CYRIB: variants seen among roughly 807,000 people sequenced by gnomAD.
CYRIB encodes the protein CYFIP related Rac1 interactor B.
Under a neutral mutation model 44.2 loss-of-function variants are expected in CYRIB, and 8 were observed. That is an observed-to-expected ratio of 0.18 (90% CI 0.11 to 0.33). The LOEUF (loss-of-function observed/expected upper bound fraction) is 0.33. Ranked by LOEUF, CYRIB falls within the 10% of genes least tolerant of loss-of-function variation. CYRIB has a pLI of 1.00. For synonymous variants in CYRIB, 131 were observed against 127.2 expected, an observed-to-expected ratio of 1.03 and a Z score of -0.20; for missense variants, 185 against 382.8, an observed-to-expected ratio of 0.48 and a Z score of 4.31.
chr8:129,990,348 A>T (rs2096597635), intron 1 of CYRIB, among the ~76,000 whole-genome samples: 1 of 152,182 alleles, frequency 6.6e-6, no homozygotes, highest in Non-Finnish European at 1.5e-5. Context: ...ATATATCTAG[A>T]TAAAGTATGT....
intron 1 of CYRIB, among the ~76,000 whole-genome samples, chr8:129,935,754 C>A (rs1470593231): frequency 6.6e-6 from 1 of 152,122 alleles, no homozygotes; most frequent in Admixed American, 6.5e-5. Flanking sequence ...TACAATAGTA[C>A]CTTAATGTTG....
chr8:129,978,478 C>T (rs1016270483), intron 1 of CYRIB, among the ~76,000 whole-genome samples: 1 of 152,088 alleles, frequency 6.6e-6, no homozygotes, highest in South Asian at 2.1e-4. Flanking sequence ...TCAAGCCTCG[C>T]GCTGTGGGCA....
intron 2 of CYRIB, among the ~76,000 whole-genome samples, chr8:129,968,310 ATTAT>A (rs1414529328): frequency 1.3e-5 from 2 of 152,148 alleles, no homozygotes; most frequent in African/African-American, 4.8e-5. Context: ...AATTTTAATG[ATTAT>A]TTTTCCTTTC....
At chr8:129,871,787 A>G (rs550787691) in intron 3 of CYRIB, among the ~76,000 whole-genome samples, 50 of 152,282 alleles carry the variant, frequency 3.3e-4, no homozygotes, top group South Asian at 1.2e-3. Flanking sequence ...ATTATAATTA[A>G]AATTTTTAAT....
intron 1 of CYRIB, among the ~76,000 whole-genome samples, chr8:129,980,448 T>C (rs974821678): frequency 6.6e-6 from 1 of 152,204 alleles, no homozygotes; most frequent in Non-Finnish European, 1.5e-5. Context: ...TATTACTGTG[T>C]ATTTTAATAC....
intron 4 of CYRIB, chr8:129,864,899 C>G (rs2052545217): frequency 2.6e-6 from 1 of 379,924 alleles, no homozygotes; most frequent in Non-Finnish European, 5.1e-6. Flanking sequence ...TGACACCCAA[C>G]AGATCACCAT....
rs560323019 is a variant in CYRIB, at chr8:129,921,331, G to C, written c.-49-17981C>G. ...AGGTTTTCTTCTTCCCTAACTTCTT[G>C]ATAATAACTAATAGCTATTATTCAG... On this transcript the variant is annotated intron_variant, in intron 1 of 11. Transcript: ENST00000519824. Among the ~76,000 whole-genome samples, 10 of 152,168 alleles carry C rather than the reference G, an allele frequency of 6.6e-5. No individual in the cohort carries two copies. In the South Asian group the frequency reaches 1.9e-3, roughly 28 times the overall value.
upstream of CYRIB, among the ~76,000 whole-genome samples, chr8:129,941,432 C>G (rs774947907): frequency 6.6e-6 from 1 of 151,946 alleles, no homozygotes; most frequent in Non-Finnish European, 1.5e-5. Context: ...CACCACCATG[C>G]CTGGCTAATT....
At chr8:129,879,148 A>G (rs886931276) in intron 3 of CYRIB, among the ~76,000 whole-genome samples, 2 of 152,204 alleles carry the variant, frequency 1.3e-5, no homozygotes, top group African/African-American at 4.8e-5. Context: ...TAAATTACAA[A>G]ATAATCTCCA....
At chr8:129,869,037 A>G (rs188944871) in intron 4 of CYRIB, among the ~76,000 whole-genome samples, 1 of 148,512 alleles carries the variant, frequency 6.7e-6, no homozygotes, top group African/African-American at 2.5e-5. Flanking sequence ...ATTAAAAAAA[A>G]GCCTAAGAGT....
chr8:129,991,963 A>AGAGAGAGAC (rs1322159516), intron 1 of CYRIB, among the ~76,000 whole-genome samples: 19 of 147,186 alleles, frequency 1.3e-4, no homozygotes, highest in African/African-American at 2.5e-4. Flanking sequence ...AAAAAAAAAA[A>AGAGAGAGAC]AAAAAAAAAC....
chr8:129,980,478 A>C (rs2096180754), intron 1 of CYRIB, among the ~76,000 whole-genome samples: 1 of 152,176 alleles, frequency 6.6e-6, no homozygotes, highest in African/African-American at 2.4e-5. Context: ...TTTTTCAAGA[A>C]GTCCAGTTCA....
At chr8:129,858,935 C>T (rs1014128657) in intron 5 of CYRIB, among the ~76,000 whole-genome samples, 4 of 152,248 alleles carry the variant, frequency 2.6e-5, no homozygotes, top group African/African-American at 9.6e-5. Context: ...CCCACAGGGT[C>T]GGTGGGTTTC....
At chr8:129,991,971 A>AGAGAGAG (rs1554764444) in intron 1 of CYRIB, among the ~76,000 whole-genome samples, 1 of 134,604 alleles carries the variant, frequency 7.4e-6, no homozygotes, top group Non-Finnish European at 1.6e-5. Flanking sequence ...AAAAAAAAAA[A>AGAGAGAG]ACAATAGGAA....
chr8:129,882,392 C>T (rs980710064), intron 2 of CYRIB, among the ~76,000 whole-genome samples: 2 of 152,132 alleles, frequency 1.3e-5, no homozygotes, highest in African/African-American at 2.4e-5. Flanking sequence ...GTGTCTGGCA[C>T]ACAGAAAACA....
intron 2 of CYRIB, among the ~76,000 whole-genome samples, chr8:129,968,622 C>A (rs558158421): frequency 1.3e-5 from 2 of 152,148 alleles, no homozygotes; most frequent in African/African-American, 2.4e-5. Context: ...ACTTTGCGTT[C>A]GCAGTAGAGG....
intron 1 of CYRIB, among the ~76,000 whole-genome samples, chr8:130,003,860 G>A (rs755046791): frequency 1.4e-4 from 22 of 152,148 alleles, no homozygotes; most frequent in Non-Finnish European, 2.9e-4. Context: ...CAAGGACTAT[G>A]GGATCAAATC....
At chr8:129,909,954 G>A (rs901096748) in intron 1 of CYRIB, among the ~76,000 whole-genome samples, 15 of 152,220 alleles carry the variant, frequency 9.9e-5, no homozygotes, top group African/African-American at 3.4e-4. Context: ...TACCAGATCA[G>A]TTTCTGTCAG....
At chr8:129,863,252 C>T (rs1022423650) in intron 4 of CYRIB, among the ~76,000 whole-genome samples, 4 of 152,140 alleles carry the variant, frequency 2.6e-5, no homozygotes, top group African/African-American at 4.8e-5. Context: ...GTCAGCTGGG[C>T]GCCGTGGCTC....
Sources: gnomAD v4.1 joint callset for allele counts (sites outside exome capture counted in the v4.1 genomes callset) on GRCh38, gnomAD v4.1.1 for gene constraint, MANE v1.5 for transcripts, NCBI Gene and HGNC (gene_info 2026-07-23, HGNC 2026-07-21) for gene names.